Variants in ADARB1 observed in about 807,000 individuals in gnomAD.
ADARB1 encodes adenosine deaminase RNA specific B1, also known as double-stranded RNA-specific editase 1.
A neutral mutation model predicts 52.4 loss-of-function variants in ADARB1; 10 were observed. That is an observed-to-expected ratio of 0.19 (90% CI 0.12 to 0.32). The LOEUF (loss-of-function observed/expected upper bound fraction) is 0.32. ADARB1 is among the 10% of genes least tolerant of loss of function. The pLI is 1.00. For synonymous variants in ADARB1, 349 were observed against 371.1 expected (o/e 0.94, Z 0.68); for missense variants, 643 against 922.3 (o/e 0.70, Z 3.92).
At position 45,225,569 on chromosome 21, in the gene ADARB1, C is replaced by G. The variant is rs777290460; in HGVS notation, c.*3372C>G. 1 of 1,337,722 alleles carries G rather than the reference C, an allele frequency of 7.5e-7. No individual in the cohort carries two copies. Among genetic ancestry groups the G allele is most frequent in the African/African-American group, 1.5e-5 (1 of 66,996 alleles). 82.9% of individuals were successfully genotyped at this position (1,337,722 alleles called of 1,614,324 possible). A position where few individuals can be genotyped will look rare whatever the true frequency, so the allele number is the denominator to read the frequency against. On this transcript the variant is annotated 3_prime_UTR_variant, in exon 11 of 11. Transcript: ENST00000348831. The stretch of plus-strand genomic sequence containing the variant: ...CAGGTACACTGAGGAGGGGACGGCT[C>G]CGTCTTCACATTGTGCACAGATCTG...
intron 2 of ADARB1, among the ~76,000 whole-genome samples, chr21:45,146,721 T>G (rs1302826711): frequency 6.6e-6 from 1 of 152,242 alleles, no homozygotes; most frequent in Non-Finnish European, 1.5e-5. Flanking sequence ...ACAGTCCTTG[T>G]TTTTATCGAA....
At chr21:45,112,376 G>A (rs1238347105) in intron 1 of ADARB1, among the ~76,000 whole-genome samples, 1 of 152,142 alleles carries the variant, frequency 6.6e-6, no homozygotes, top group Non-Finnish European at 1.5e-5. Context: ...ATGAGTGAAG[G>A]TTGCCTAGAC....
intron 2 of ADARB1, chr21:45,133,695 C>T (rs1282806325): frequency 2.2e-5 from 6 of 276,216 alleles, no homozygotes; most frequent in African/African-American, 4.7e-5. Context: ...GTGTGCCCGA[C>T]GGTGTGTGCG....
chr21:45,092,876 A>G (rs1312896405), intron 1 of ADARB1, among the ~76,000 whole-genome samples: 1 of 148,232 alleles, frequency 6.7e-6, no homozygotes, highest in East Asian at 2.0e-4. Context: ...GTAATTCATT[A>G]TCACACATTT....
chr21:45,111,472 C>T (rs2087531610), intron 1 of ADARB1, among the ~76,000 whole-genome samples: 2 of 152,088 alleles, frequency 1.3e-5, no homozygotes, highest in East Asian at 1.9e-4. Flanking sequence ...CACCTCATTA[C>T]CCAGAGTTCA....
intron 2 of ADARB1, among the ~76,000 whole-genome samples, chr21:45,160,427 C>T (rs975992890): frequency 6.6e-6 from 1 of 152,272 alleles, no homozygotes; most frequent in South Asian, 2.1e-4. Flanking sequence ...TATGTGTGTT[C>T]ACATGTTCCA....
At chr21:45,118,515 C>T (rs959173634) in intron 1 of ADARB1, 6 of 152,274 alleles carry the variant, frequency 3.9e-5, no homozygotes, top group South Asian at 2.1e-4. Flanking sequence ...ATTCTAGGAT[C>T]GTATAATTTT....
chr21:45,149,251 C>G (rs960256199), intron 2 of ADARB1, among the ~76,000 whole-genome samples: 1 of 152,196 alleles, frequency 6.6e-6, no homozygotes, highest in African/African-American at 2.4e-5. Context: ...ATCCTGACAC[C>G]AGCTCTGTCC....
At chr21:45,199,567 A>T (rs9980546) in intron 8 of ADARB1, among the ~76,000 whole-genome samples, 8,259 of 152,272 alleles carry the variant, frequency 0.054, 276 homozygotes, top group African/African-American at 0.078. Flanking sequence ...CCCACCATAC[A>T]CTATCCAAAG....
At chr21:45,135,635 T>G (rs2089315963) in intron 2 of ADARB1, among the ~76,000 whole-genome samples, 1 of 152,122 alleles carries the variant, frequency 6.6e-6, no homozygotes, top group Admixed American at 6.5e-5. Flanking sequence ...GGACCTAATT[T>G]AGGTCGAAAA....
Position 45,152,569 on chromosome 21 carries a change from A to G in ADARB1, c.-47-19041A>G, listed in dbSNP as rs1186926725. On this transcript the variant is annotated intron_variant, in intron 2 of 10. Coordinates refer to ENST00000348831, the MANE Select transcript of ADARB1 (RefSeq NM_001112.4). ...CTGCCCCGAGTGACTGAGGGACAGA[A>G]TGAGGCTGGGGCCGGCCGGACTGGC... 1.1e-5 allele frequency: 4 copies of G among 352,844 alleles called. No individual in the cohort carries two copies. The East Asian group carries it at 4.1e-4, about 36-fold the overall frequency. The allele number at this position is 352,844 out of a possible 1,614,324, so 21.9% of individuals were successfully genotyped here.
At chr21:45,207,209 C>T (rs1377664896) in intron 9 of ADARB1, among the ~76,000 whole-genome samples, 1 of 152,228 alleles carries the variant, frequency 6.6e-6, no homozygotes, top group Non-Finnish European at 1.5e-5. Context: ...GCACCAAAGT[C>T]TATTTCAAAA....
At chr21:45,156,055 C>A (rs1418889947) in intron 2 of ADARB1, among the ~76,000 whole-genome samples, 8 of 151,236 alleles carry the variant, frequency 5.3e-5, no homozygotes, top group African/African-American at 1.9e-4. Context: ...AACCACCCAC[C>A]ATCACCCATC....
chr21:45,204,705 T>C lies in ADARB1; in HGVS notation c.1716T>C (p.Pro572=). The change falls in exon 9 of 11, where the codon CCT becomes CCC. Residue 572 remains proline (P), a synonymous_variant. Transcript: ENST00000348831. This position sits in a 1 kb window ranked among gnomAD's most constrained non-coding sequence, Gnocchi z 4.4. ...QRISNIEDLP[P]LYTLNKPLLS... is the part of the protein sequence containing the mutation. ...TCTCCAACATAGAGGACCTGCCACCTCTCTACACCCTCAACAAGCCTTTGC... is the reference window on the plus strand; with the variant it reads ...TCTCCAACATAGAGGACCTGCCACCCCTCTACACCCTCAACAAGCCTTTGC... 1 of 1,613,152 alleles carries C rather than the reference T, an allele frequency of 6.2e-7. No homozygotes were observed. The highest frequency in any genetic ancestry group is 2.2e-5 in the East Asian group (1 of 44,830).
intron 1 of ADARB1, among the ~76,000 whole-genome samples, chr21:45,106,832 G>A (rs189815705): frequency 2.0e-5 from 3 of 152,304 alleles, no homozygotes; most frequent in East Asian, 1.9e-4. Context: ...AGTTGAGTGC[G>A]TCAGAGCAGG....
chr21:45,085,072 G>C (rs1010527687), intron 1 of ADARB1, among the ~76,000 whole-genome samples: 4 of 152,188 alleles, frequency 2.6e-5, no homozygotes, highest in African/African-American at 9.7e-5. Flanking sequence ...GATGCCGCTG[G>C]TGGGCCCTCT....
chr21:45,151,661 G>GT (rs1490876576), intron 2 of ADARB1, among the ~76,000 whole-genome samples: 3 of 152,180 alleles, frequency 2.0e-5, no homozygotes, highest in Non-Finnish European at 4.4e-5. Flanking sequence ...CCTGAACAGC[G>GT]TTTTTCTAGA....
At chr21:45,141,794 G>C (rs1365886502) in intron 2 of ADARB1, among the ~76,000 whole-genome samples, 1 of 142,918 alleles carries the variant, frequency 7.0e-6, no homozygotes, top group African/African-American at 2.6e-5. Flanking sequence ...CCTTAGCCAC[G>C]CCTGGGCCAT....
intron 6 of ADARB1, among the ~76,000 whole-genome samples, 186 bp from the exon 7 acceptor site, chr21:45,183,172 TACTC>T (rs896627453): frequency 6.6e-6 from 1 of 152,228 alleles, no homozygotes; most frequent in Admixed American, 6.5e-5. Context: ...AAGGAAAGGT[TACTC>T]ACATCCTGAT....
Sources: allele counts gnomAD v4.1 joint callset (sites outside exome capture counted in the v4.1 genomes callset), GRCh38; gene constraint gnomAD v4.1.1; non-coding constraint Gnocchi (gnomAD v3.1); transcripts MANE v1.5; gene names NCBI Gene and HGNC (gene_info 2026-07-23, HGNC 2026-07-21).